Variants in SHISA9 observed in about 807,000 individuals in gnomAD.
SHISA9 encodes the protein protein shisa-9.
Under a neutral mutation model 38.0 loss-of-function variants are expected in SHISA9, and 13 were observed. That is an observed-to-expected ratio of 0.34 (90% CI 0.22 to 0.54). SHISA9 has a LOEUF of 0.54. Ranked by LOEUF, SHISA9 falls within the 20% of genes least tolerant of loss-of-function variation. SHISA9 has a pLI of 0.91. For synonymous variants in SHISA9, 275 were observed against 242.0 expected (o/e 1.14, Z -1.27); for missense variants, 538 against 575.8 (o/e 0.93, Z 0.67).
intron 2 of SHISA9, among the ~76,000 whole-genome samples, chr16:13,188,822 T>C (rs1342628182): frequency 2.0e-5 from 3 of 150,272 alleles, no homozygotes; most frequent in South Asian, 2.1e-4. Flanking sequence ...TACAATATAA[T>C]ATTATATTGA....
At chr16:13,129,812 A>G (rs573487641) in intron 2 of SHISA9, among the ~76,000 whole-genome samples, 18 of 152,008 alleles carry the variant, frequency 1.2e-4, no homozygotes, top group African/African-American at 4.3e-4. Context: ...CCTATTTACC[A>G]TCTCTTACCC....
the SHISA9 span, among the ~76,000 whole-genome samples, chr16:13,387,636 C>T: frequency 2.0e-5 from 3 of 151,922 alleles, no homozygotes; most frequent in Non-Finnish European, 4.4e-5. Context: ...ATTACAGGCA[C>T]GTGCCACCAC....
the SHISA9 span, among the ~76,000 whole-genome samples, chr16:13,454,363 T>C: frequency 2.6e-5 from 4 of 152,058 alleles, no homozygotes; most frequent in Non-Finnish European, 5.9e-5. Flanking sequence ...TTACGAAAGG[T>C]GTTTGCCTTC....
At chr16:12,955,090 T>C (rs1346020703) in intron 2 of SHISA9, among the ~76,000 whole-genome samples, 1 of 152,008 alleles carries the variant, frequency 6.6e-6, no homozygotes, top group Non-Finnish European at 1.5e-5. Flanking sequence ...AGTGTTTCCA[T>C]TGATTTCTCC....
the SHISA9 span, among the ~76,000 whole-genome samples, chr16:13,414,243 CT>C: frequency 2.0e-4 from 31 of 152,294 alleles, no homozygotes; most frequent in African/African-American, 7.2e-4. Flanking sequence ...TATGCCACCC[CT>C]CTGTGTTGTA....
At chr16:13,309,549 A>G in the SHISA9 span, among the ~76,000 whole-genome samples, 1 of 151,030 alleles carries the variant, frequency 6.6e-6, no homozygotes, top group South Asian at 2.1e-4. Flanking sequence ...AGGCTGAGGC[A>G]TGACGATCAC....
At chr16:13,020,330 A>G (rs1471723763) in intron 2 of SHISA9, among the ~76,000 whole-genome samples, 1 of 151,852 alleles carries the variant, frequency 6.6e-6, no homozygotes, top group East Asian at 1.9e-4. Flanking sequence ...CCAGCCCATT[A>G]GTTGTTTTTC....
chr16:13,164,529 T>C (rs1314920423), intron 2 of SHISA9, among the ~76,000 whole-genome samples: 1 of 152,114 alleles, frequency 6.6e-6, no homozygotes, highest in Non-Finnish European at 1.5e-5. Flanking sequence ...ATCAATGTTT[T>C]GGAAAAGGTT....
the SHISA9 span, among the ~76,000 whole-genome samples, chr16:13,328,907 AT>A: frequency 2.7e-4 from 41 of 151,908 alleles, no homozygotes; most frequent in Non-Finnish European, 4.6e-4. Flanking sequence ...CCCCCAAATC[AT>A]TTTTTTTCCC....
the SHISA9 span, among the ~76,000 whole-genome samples, chr16:13,482,661 C>T: frequency 1.3e-5 from 2 of 151,796 alleles, no homozygotes; most frequent in South Asian, 2.1e-4. Flanking sequence ...TTTAGCTTGG[C>T]GTGGTGGCAC....
At chr16:13,099,666 C>G (rs2073859942) in intron 2 of SHISA9, among the ~76,000 whole-genome samples, 1 of 152,090 alleles carries the variant, frequency 6.6e-6, no homozygotes, top group Admixed American at 6.5e-5. Context: ...TGGCTGGACC[C>G]CGATGGGCAG....
At chr16:13,331,531 C>T in the SHISA9 span, 2 of 152,152 alleles carry the variant, frequency 1.3e-5, no homozygotes, top group African/African-American at 4.8e-5. Flanking sequence ...TCAAATCTTA[C>T]AAAATGACTT....
chr16:13,286,070 A>G, the SHISA9 span, among the ~76,000 whole-genome samples: 47 of 152,270 alleles, frequency 3.1e-4, no homozygotes, highest in African/African-American at 1.1e-3. Flanking sequence ...TGAAAAGGCT[A>G]ATCAGAAACT....
At chr16:12,988,863 A>G (rs12921426) in intron 2 of SHISA9, among the ~76,000 whole-genome samples, 54,524 of 151,930 alleles carry the variant, frequency 0.36, 10,238 homozygotes, top group Non-Finnish European at 0.39. Flanking sequence ...AATTTAAAAA[A>G]AGGAGTACTT....
At chr16:13,095,211 G>A (rs2073813379) in intron 2 of SHISA9, among the ~76,000 whole-genome samples, 1 of 152,234 alleles carries the variant, frequency 6.6e-6, no homozygotes, top group Non-Finnish European at 1.5e-5. Context: ...CAGGTGTCTA[G>A]TCTACTTGAA....
chr16:13,070,122 ACGTGTG>A (rs2073493770), intron 2 of SHISA9, among the ~76,000 whole-genome samples: 1 of 50,174 alleles, frequency 2.0e-5, no homozygotes, highest in African/African-American at 8.4e-5. Flanking sequence ...CCTTTAAAGT[ACGTGTG>A]TGTGTGTGTG....
chr16:13,337,061 G>T, the SHISA9 span, among the ~76,000 whole-genome samples: 1 of 152,216 alleles, frequency 6.6e-6, no homozygotes, highest in Non-Finnish European at 1.5e-5. Context: ...TGGCTCTAGA[G>T]TCTGGGAGAC....
At chr16:13,045,370 G>A (rs777135964) in intron 2 of SHISA9, among the ~76,000 whole-genome samples, 40 of 152,216 alleles carry the variant, frequency 2.6e-4, no homozygotes, top group Admixed American at 1.2e-3. Flanking sequence ...GGATTCGAGT[G>A]CAGGAATTCT....
chr16:13,416,595 C>T, the SHISA9 span, among the ~76,000 whole-genome samples: 1 of 152,136 alleles, frequency 6.6e-6, no homozygotes, highest in East Asian at 1.9e-4. Context: ...ACCTGTAGTC[C>T]TAGCTACTTG....
Sources: gnomAD v4.1 joint callset for allele counts (sites outside exome capture counted in the v4.1 genomes callset) on GRCh38, gnomAD v4.1.1 for gene constraint, MANE v1.5 for transcripts, NCBI Gene and HGNC (gene_info 2026-07-23, HGNC 2026-07-21) for gene names.